The following TRIOBP variants were observed in gnomAD, a reference collection of about 807,000 sequenced individuals.
The protein encoded by TRIOBP is TRIO and F-actin-binding protein.
TRIOBP carries 169 observed loss-of-function variants against 238.8 expected under a neutral mutation model. The observed-to-expected ratio is 0.71, with a 90% CI of 0.62 to 0.80. TRIOBP has a LOEUF of 0.80. TRIOBP is among the 30% of genes least tolerant of loss of function. The pLI is 0.00. For missense variants in TRIOBP, 2,838 were observed against 3,122.6 expected, an observed-to-expected ratio of 0.91 and a Z score of 2.17; for synonymous variants, 1,150 against 1,274.4, an observed-to-expected ratio of 0.90 and a Z score of 2.08.
At chr22:37,762,638 G>A (rs1297849880) in intron 17 of TRIOBP, among the ~76,000 whole-genome samples, 3 of 152,234 alleles carry the variant, frequency 2.0e-5, no homozygotes, top group Non-Finnish European at 4.4e-5. Flanking sequence ...TGGGAGGGGA[G>A]AAGGGAATAA....
chr22:37,739,043 G>A (rs529928549), intron 10 of TRIOBP, among the ~76,000 whole-genome samples: 9 of 152,250 alleles, frequency 5.9e-5, no homozygotes, highest in South Asian at 2.1e-4. Context: ...AGATCCTTCC[G>A]GTTTGAAAGG....
At chr22:37,742,635 T>A (rs147489423) in intron 11 of TRIOBP, among the ~76,000 whole-genome samples, 1,141 of 152,266 alleles carry the variant, frequency 7.5e-3, no homozygotes, top group Non-Finnish European at 0.013. Flanking sequence ...ATCTGAGTAG[T>A]GTGGTACCTT....
intron 6 of TRIOBP, among the ~76,000 whole-genome samples, chr22:37,718,111 G>A (rs1923629003): frequency 6.6e-6 from 1 of 152,178 alleles, no homozygotes; most frequent in African/African-American, 2.4e-5. Flanking sequence ...CCCGGGGCCG[G>A]CAGGGCCAGC....
Position 37,757,671 on chromosome 22 carries a change from CT to C in TRIOBP, c.5747del (p.Leu1916ArgfsTer36). On this transcript the variant is annotated frameshift_variant, in exon 16 of 24. Transcript: ENST00000644935. LOFTEE classifies it high-confidence loss of function. ...LHSYSTQKGP[L>X]KAGEQRAGSE... ...CAGCTACAGCACCCAGAAGGGCCCCCTGAAGGCAGGGGAGCAGCGGGCGGGC... is the reference window on the plus strand; with the variant it reads ...CAGCTACAGCACCCAGAAGGGCCCCCGAAGGCAGGGGAGCAGCGGGCGGGC... 2 of 1,590,884 alleles carry C rather than the reference CT, an allele frequency of 1.3e-6. No individual in the cohort carries two copies. The highest frequency in any genetic ancestry group is 1.1e-5 in the South Asian group (1 of 87,836).
chr22:37,726,594 C>A, intron 7 of TRIOBP, 91 bp downstream of exon 7: 2 of 1,287,074 alleles, frequency 1.6e-6, no homozygotes, highest in South Asian at 1.7e-5. Flanking sequence ...AGAAAGTGTT[C>A]AAATCCCCCT....
At position 37,726,170 on chromosome 22, in the gene TRIOBP, C is replaced by G. The variant is rs1302345191; in HGVS notation, c.3614C>G (p.Ser1205Cys). Reference protein sequence around the residue: ...SMESLAPSTDSLHGSPVLIPQ... With the variant: ...SMESLAPSTDCLHGSPVLIPQ... ...GAGAGCCTGGCCCCCTCCACTGACT[C>G]TCTGCATGGCTCCCCAGTGCTGATC... is the stretch of plus-strand genomic sequence containing the variant. The change falls in exon 7 of 24, where the codon TCT becomes TGT. Residue 1205 changes from serine to cysteine, a missense_variant. Ser to Cys is a moderately radical substitution (Grantham distance 112, BLOSUM62 -1). Transcript: ENST00000644935. The G allele has an allele frequency of 1.9e-6, 3 of 1,583,632 alleles. No homozygotes were observed. Among genetic ancestry groups the G allele is most frequent in the South Asian group, 2.3e-5 (2 of 87,638 alleles).
intron 6 of TRIOBP, among the ~76,000 whole-genome samples, chr22:37,716,390 G>A (rs540030760): frequency 5.4e-4 from 82 of 152,042 alleles, no homozygotes; most frequent in Non-Finnish European, 9.7e-4. Context: ...GGGATTACAG[G>A]CGTGATTACA....
chr22:37,768,503 G>A (rs1267153060), intron 19 of TRIOBP, among the ~76,000 whole-genome samples: 1 of 152,116 alleles, frequency 6.6e-6, no homozygotes, highest in Non-Finnish European at 1.5e-5. Context: ...GAATGTTGAG[G>A]TTTCAGGGGC....
intron 10 of TRIOBP, among the ~76,000 whole-genome samples, chr22:37,739,770 C>CT (rs1924847862): frequency 6.6e-6 from 1 of 152,230 alleles, no homozygotes; most frequent in Non-Finnish European, 1.5e-5. Context: ...CCCAGGGACT[C>CT]TGACAACTTT....
intron 4 of TRIOBP, among the ~76,000 whole-genome samples, chr22:37,711,726 C>A (rs1434685748): frequency 6.6e-6 from 1 of 151,628 alleles, no homozygotes; most frequent in Non-Finnish European, 1.5e-5. Context: ...CTTGTCAGAG[C>A]CTTTAGCTTG....
chr22:37,740,582 T>A (rs1036028025), intron 10 of TRIOBP, among the ~76,000 whole-genome samples: 1 of 152,216 alleles, frequency 6.6e-6, no homozygotes, highest in African/African-American at 2.4e-5. Flanking sequence ...TAATGTGAAA[T>A]ACTCTGAAAA....
intron 2 of TRIOBP, among the ~76,000 whole-genome samples, chr22:37,699,039 G>A (rs1922504888): frequency 2.0e-5 from 3 of 152,100 alleles, no homozygotes; most frequent in Non-Finnish European, 2.9e-5. Flanking sequence ...TACTACTGGG[G>A]AGGCTGAGGT....
chr22:37,756,399 G>A (rs1025166250), intron 15 of TRIOBP, among the ~76,000 whole-genome samples: 2 of 152,188 alleles, frequency 1.3e-5, no homozygotes, highest in Non-Finnish European at 2.9e-5. Flanking sequence ...TGGCCACACC[G>A]CGGCTATTCA....
At chr22:37,740,743 A>G in intron 10 of TRIOBP, 152 bp from the exon 11 acceptor site, 2 of 1,164,172 alleles carry the variant, frequency 1.7e-6, no homozygotes, top group Non-Finnish European at 1.2e-6. Context: ...CAAGTTAACC[A>G]GCTCGTCTCG....
intron 11 of TRIOBP, among the ~76,000 whole-genome samples, chr22:37,744,714 G>T (rs1925130772): frequency 6.6e-6 from 1 of 152,122 alleles, no homozygotes; most frequent in African/African-American, 2.4e-5. Flanking sequence ...TCAGCCCGGG[G>T]TGCCAGAAGG....
rs776157835 is a variant in TRIOBP at position 37,751,834 on chromosome 22, A to C, written c.5379+6A>C. The C allele has an allele frequency of 2.0e-5, 32 of 1,600,684 alleles. No homozygotes were observed. In the Admixed American group the frequency reaches 4.4e-4, roughly 22 times the overall value. On this transcript the variant is annotated splice_donor_region_variant and intron_variant, in intron 12 of 23. Coordinates refer to ENST00000644935, the MANE Select transcript of TRIOBP (RefSeq NM_001039141.3). The stretch of plus-strand genomic sequence containing the variant: ...TCTTGGACGAGCCTGGAGAGGTAAG[A>C]GGACTGAGGCCGGAGGGGAGGAAGC...
chr22:37,709,609 G>A (rs934152138), intron 3 of TRIOBP, among the ~76,000 whole-genome samples: 19 of 152,164 alleles, frequency 1.2e-4, no homozygotes, highest in Non-Finnish European at 1.6e-4. Flanking sequence ...GAGGCGGGGC[G>A]CAGGGTGCCA....
chr22:37,746,408 C>A (rs770879342), intron 11 of TRIOBP: 491 of 1,415,136 alleles, frequency 3.5e-4, no homozygotes, highest in Middle Eastern at 1.6e-3. Flanking sequence ...CGCCCTGGGG[C>A]GCCGCCATGA....
intron 18 of TRIOBP, 101 bp from the exon 19 acceptor site, chr22:37,767,973 A>G (rs1926583318): frequency 3.4e-6 from 3 of 893,016 alleles, no homozygotes; most frequent in Admixed American, 4.0e-5. Context: ...TGTGGAGTCC[A>G]CATAGTACTC....
Sources: allele counts gnomAD v4.1 joint callset (sites outside exome capture counted in the v4.1 genomes callset), GRCh38; gene constraint gnomAD v4.1.1; transcripts MANE v1.5; gene names NCBI Gene and HGNC (gene_info 2026-07-23, HGNC 2026-07-21).